SMOC2: variants seen among roughly 807,000 people sequenced by gnomAD.
The protein encoded by SMOC2 is SPARC-related modular calcium-binding protein 2.
In SMOC2, 39 loss-of-function variants were observed where a neutral mutation model predicts 61.4. The observed-to-expected ratio is 0.64, with a 90% confidence interval of 0.49 to 0.83. SMOC2 has a LOEUF of 0.83. SMOC2 is among the 40% of genes least tolerant of loss of function. The pLI is 0.00. For synonymous variants in SMOC2, 247 were observed against 239.9 expected, an observed-to-expected ratio of 1.03 and a Z score of -0.27; for missense variants, 556 against 592.9, an observed-to-expected ratio of 0.94 and a Z score of 0.65.
At chr6:168,516,305 T>A (rs559789188) in intron 2 of SMOC2, among the ~76,000 whole-genome samples, 1 of 152,104 alleles carries the variant, frequency 6.6e-6, no homozygotes, top group Non-Finnish European at 1.5e-5. Flanking sequence ...ACATTAATAT[T>A]TTTCTTTTGA....
chr6:168,659,522 T>TTA (rs1787423153), intron 11 of SMOC2, among the ~76,000 whole-genome samples: 1 of 83,672 alleles, frequency 1.2e-5, no homozygotes, highest in Non-Finnish European at 2.6e-5. Flanking sequence ...AGGTTGTAGG[T>TTA]TGGGTGAGGA....
At chr6:168,645,515 A>G (rs950800460) in intron 9 of SMOC2, among the ~76,000 whole-genome samples, 36 of 152,118 alleles carry the variant, frequency 2.4e-4, no homozygotes, top group African/African-American at 8.4e-4. Context: ...CCCTCAGGGC[A>G]CCACACAGGC....
intron 8 of SMOC2, among the ~76,000 whole-genome samples, chr6:168,599,662 T>TA (rs1785478462): frequency 9.7e-6 from 1 of 102,918 alleles, no homozygotes; most frequent in South Asian, 3.5e-4. Context: ...ATACCCACAC[T>TA]CACACACTCC....
At chr6:168,457,229 A>G (rs55662810) in intron 1 of SMOC2, among the ~76,000 whole-genome samples, 7,423 of 152,270 alleles carry the variant, frequency 0.049, 623 homozygotes, top group African/African-American at 0.17. Flanking sequence ...GACACTTTCA[A>G]TAAAAACAAA....
At chr6:168,578,334 A>T (rs1334519246) in intron 7 of SMOC2, among the ~76,000 whole-genome samples, 2 of 152,194 alleles carry the variant, frequency 1.3e-5, no homozygotes, top group African/African-American at 4.8e-5. Flanking sequence ...AGTCTTAGCA[A>T]TTATACTTGA....
At chr6:168,483,573 A>G (rs765317222) in intron 1 of SMOC2, among the ~76,000 whole-genome samples, 4 of 152,140 alleles carry the variant, frequency 2.6e-5, no homozygotes, top group Non-Finnish European at 5.9e-5. Context: ...AATTCCAAAA[A>G]CATTTTTTTG....
intron 4 of SMOC2, among the ~76,000 whole-genome samples, chr6:168,537,704 T>C (rs925823211): frequency 6.6e-6 from 1 of 152,078 alleles, no homozygotes; most frequent in Non-Finnish European, 1.5e-5. Context: ...GAGAGACATA[T>C]GCCCTCGGTC....
chr6:168,489,213 A>G (rs532038167), intron 1 of SMOC2, among the ~76,000 whole-genome samples: 1 of 148,972 alleles, frequency 6.7e-6, no homozygotes, highest in African/African-American at 2.5e-5. Context: ...GAAATATATC[A>G]AATCGTCTGG....
intron 9 of SMOC2, among the ~76,000 whole-genome samples, chr6:168,613,423 G>A (rs1408190721): frequency 2.6e-5 from 4 of 152,124 alleles, no homozygotes; most frequent in Non-Finnish European, 5.9e-5. Context: ...TTACTGCCCT[G>A]TACCCCAAGC....
In SMOC2 at chr6:168,543,645, C is replaced by G. The variant is rs1783924065; in HGVS notation, c.484C>G (p.Pro162Ala). The change falls in exon 5 of 13, where the codon CCC becomes GCC. Residue 162 changes from proline to alanine, a missense_variant. Pro to Ala is a conservative substitution (Grantham distance 27). Coordinates refer to ENST00000356284, the MANE Select transcript of SMOC2 (RefSeq NM_001166412.2). ...RCPGSVNEKL[P>A]QREGTGKTDD... ...TTTAGGTTCCGTAAATGAAAAGTTACCCCAACGCGAAGGCACAGGAAAAAC... is the reference window on the plus strand; with the variant it reads ...TTTAGGTTCCGTAAATGAAAAGTTAGCCCAACGCGAAGGCACAGGAAAAAC... 3 of 1,613,784 alleles carry G rather than the reference C, an allele frequency of 1.9e-6. No homozygotes were observed. Among genetic ancestry groups the G allele is most frequent in the Non-Finnish European group, 1.7e-6 (2 of 1,179,788 alleles).
At chr6:168,486,132 C>T (rs149688100) in intron 1 of SMOC2, among the ~76,000 whole-genome samples, 27 of 152,168 alleles carry the variant, frequency 1.8e-4, no homozygotes, top group Admixed American at 3.3e-4. Context: ...TCTTAGTGTC[C>T]CTGGTTCAGC....
intron 9 of SMOC2, among the ~76,000 whole-genome samples, chr6:168,621,194 G>A (rs915792494): frequency 2.0e-5 from 3 of 152,230 alleles, no homozygotes; most frequent in Non-Finnish European, 4.4e-5. Flanking sequence ...AAATTCCTGA[G>A]ATAAATTGTT....
chr6:168,476,738 C>T (rs1782096815), intron 1 of SMOC2, among the ~76,000 whole-genome samples: 1 of 151,966 alleles, frequency 6.6e-6, no homozygotes, highest in Non-Finnish European at 1.5e-5. Flanking sequence ...AATAATATTG[C>T]AGAGAACAAC....
chr6:168,447,599 G>GT (rs1781358774), intron 1 of SMOC2, among the ~76,000 whole-genome samples: 2 of 152,122 alleles, frequency 1.3e-5, no homozygotes, highest in African/African-American at 2.4e-5. Flanking sequence ...ATTTTTGGGG[G>GT]GAAAGGGGTA....
At chr6:168,602,321 AGTT>A (rs199748989) in intron 8 of SMOC2, among the ~76,000 whole-genome samples, 170 of 152,268 alleles carry the variant, frequency 1.1e-3, no homozygotes, top group African/African-American at 3.5e-3. Flanking sequence ...TGGTGGGGGC[AGTT>A]GTTGTTGTTT....
At chr6:168,590,741 G>A (rs185773638) in intron 7 of SMOC2, among the ~76,000 whole-genome samples, 1 of 152,124 alleles carries the variant, frequency 6.6e-6, no homozygotes, top group Non-Finnish European at 1.5e-5. Flanking sequence ...TTCATTTAAT[G>A]AAATAATTAT....
chr6:168,594,048 G>A (rs376504118), intron 7 of SMOC2, among the ~76,000 whole-genome samples: 1 of 63,074 alleles, frequency 1.6e-5, no homozygotes. Flanking sequence ...CCTCCTTCCT[G>A]AGGCCTCACG....
In SMOC2 at chr6:168,627,997, C is replaced by T. The variant is rs377164396; in HGVS notation, c.907+19758C>T. On this transcript the variant is annotated intron_variant, in intron 9 of 12. Coordinates refer to ENST00000356284, the MANE Select transcript of SMOC2 (RefSeq NM_001166412.2). ...GTGTGGACATCAGCCAGTGACTGCC[C>T]GTTGAACCCTGGACTAACGCCACTC... is the stretch of plus-strand genomic sequence containing the variant. Among the ~76,000 whole-genome samples the T allele has an allele frequency of 2.4e-3, 358 of 152,298 alleles. 2 individuals are homozygous for T. Among genetic ancestry groups the T allele is most frequent in the African/African-American group, 8.3e-3 (343 of 41,574 alleles).
chr6:168,521,616 T>C (rs1479941151), intron 2 of SMOC2, among the ~76,000 whole-genome samples: 1 of 152,102 alleles, frequency 6.6e-6, no homozygotes, highest in African/African-American at 2.4e-5. Context: ...GGGCTAGGCG[T>C]GGGGGCTCAT....
Sources: allele counts gnomAD v4.1 joint callset (sites outside exome capture counted in the v4.1 genomes callset), GRCh38; gene constraint gnomAD v4.1.1; transcripts MANE v1.5; gene names NCBI Gene and HGNC (gene_info 2026-07-23, HGNC 2026-07-21).